PKP4: variants seen among roughly 807,000 people sequenced by gnomAD.
PKP4 encodes the protein plakophilin 4.
Under a neutral mutation model 145.1 loss-of-function variants are expected in PKP4, and 90 were observed. The ratio of observed to expected loss-of-function variants is 0.62; its 90% CI spans 0.52 to 0.74. The LOEUF (loss-of-function observed/expected upper bound fraction) is 0.74. Among genes scored for constraint, PKP4 ranks in the 30% least tolerant of loss-of-function variants. PKP4 has a pLI of 0.00. For missense variants in PKP4, 1,340 were observed against 1,482.7 expected, an observed-to-expected ratio of 0.90 and a Z score of 1.58; for synonymous variants, 563 against 577.2, an observed-to-expected ratio of 0.98 and a Z score of 0.35.
intron 1 of PKP4, among the ~76,000 whole-genome samples, chr2:158,525,681 C>T (rs374724564): frequency 7.6e-6 from 1 of 131,492 alleles, no homozygotes; most frequent in Non-Finnish European, 1.6e-5. Context: ...TTCAAAAAAT[C>T]AATGAATCCA....
rs544464887 is a variant in PKP4, at chr2:158,495,739, C to T, written c.-5-37441C>T. ...ATCCCAACTACTCAGGAGGCTGAGG[C>T]AGGGTAATTGTGTGAACCCAGGAGG... is the stretch of plus-strand genomic sequence containing the variant. On this transcript the variant is annotated intron_variant, in intron 1 of 21. Coordinates refer to ENST00000389759, the MANE Select transcript of PKP4 (RefSeq NM_003628.6). Among the ~76,000 whole-genome samples the T allele has an allele frequency of 5.3e-4, 80 of 151,534 alleles. 1 individual carries two copies. The highest frequency in any genetic ancestry group is 1.9e-3 in the African/African-American group (77 of 41,304).
intron 20 of PKP4, chr2:158,677,221 C>T: frequency 2.9e-6 from 1 of 344,564 alleles, no homozygotes; most frequent in South Asian, 2.4e-5. Context: ...TCAGAACCGT[C>T]AGCCCAGTGT....
chr2:158,627,122 T>C (rs2052875303), intron 7 of PKP4, among the ~76,000 whole-genome samples: 1 of 152,242 alleles, frequency 6.6e-6, no homozygotes, highest in Non-Finnish European at 1.5e-5. Flanking sequence ...TCTTTTTCAT[T>C]CATCTATCCA....
At position 158,666,326 on chromosome 2, in the gene PKP4, C is replaced by CT. The variant is rs76211777; in HGVS notation, c.2578-83dup. The CT allele has an allele frequency of 0.016, 19,193 of 1,178,840 alleles. 869 individuals are homozygous for CT. In the East Asian group the frequency reaches 0.19, roughly 12 times the overall value. 73.0% of individuals were successfully genotyped at this position (1,178,840 alleles called of 1,614,324 possible). A position where few individuals can be genotyped will look rare whatever the true frequency, so the allele number is the denominator to read the frequency against. Reference sequence around the variant, plus strand: ...GAAACCATTTAATCTATTAGTTCATCTTTTGGAAACATCTTTTTTAGGTGA... The same window carrying CT: ...GAAACCATTTAATCTATTAGTTCATCTTTTTGGAAACATCTTTTTTAGGTGA... On this transcript the variant is annotated intron_variant, in intron 15 of 21. Coordinates refer to ENST00000389759, the MANE Select transcript of PKP4 (RefSeq NM_003628.6).
intron 11 of PKP4, among the ~76,000 whole-genome samples, chr2:158,647,662 T>A (rs1053301474): frequency 2.6e-5 from 4 of 152,248 alleles, no homozygotes; most frequent in Middle Eastern, 3.2e-3. Context: ...AACATGATTC[T>A]TGTGTTTTCC....
chr2:158,576,773 A>G (rs1010262168), intron 2 of PKP4, among the ~76,000 whole-genome samples: 1 of 152,012 alleles, frequency 6.6e-6, no homozygotes, highest in Admixed American at 6.6e-5. Context: ...ATACGGCAAG[A>G]CTTTTTCTGT....
chr2:158,495,695 G>A (rs1055282140), intron 1 of PKP4, among the ~76,000 whole-genome samples: 4 of 151,596 alleles, frequency 2.6e-5, no homozygotes, highest in Admixed American at 6.6e-5. Context: ...TTAGCTGGGC[G>A]TGGTAGTGGG....
chr2:158,555,115 C>T (rs2045978517), intron 2 of PKP4, among the ~76,000 whole-genome samples: 1 of 152,088 alleles, frequency 6.6e-6, no homozygotes, highest in African/African-American at 2.4e-5. Context: ...AGGAAGCTTC[C>T]CAGGCTCCTA....
At chr2:158,547,399 C>G (rs1164113498) in intron 2 of PKP4, among the ~76,000 whole-genome samples, 2 of 152,106 alleles carry the variant, frequency 1.3e-5, no homozygotes, top group Non-Finnish European at 2.9e-5. Flanking sequence ...AGGAAGTAAG[C>G]CAAACATAAA....
intron 15 of PKP4, chr2:158,665,790 A>G (rs2057028827): frequency 6.6e-6 from 1 of 152,228 alleles, no homozygotes; most frequent in African/African-American, 2.4e-5. Context: ...TTTAAAAAAC[A>G]GCATCAGCAG....
intron 1 of PKP4, among the ~76,000 whole-genome samples, chr2:158,475,680 G>A (rs997463591): frequency 1.5e-4 from 23 of 152,186 alleles, no homozygotes; most frequent in African/African-American, 5.5e-4. Context: ...CCTTAGTTGG[G>A]ATATCTTTGA....
chr2:158,674,221 G>A (rs2106017031), intron 19 of PKP4, among the ~76,000 whole-genome samples: 1 of 152,276 alleles, frequency 6.6e-6, no homozygotes, highest in African/African-American at 2.4e-5. Flanking sequence ...AGCGCCCCAG[G>A]CCCTGCCCTC....
chr2:158,512,031 G>C (rs1465701826), intron 1 of PKP4, among the ~76,000 whole-genome samples: 1 of 152,158 alleles, frequency 6.6e-6, no homozygotes, highest in African/African-American at 2.4e-5. Context: ...GTTGCTTAGA[G>C]CATATTTGAA....
At chr2:158,513,800 C>T (rs927016039) in intron 1 of PKP4, among the ~76,000 whole-genome samples, 1 of 152,098 alleles carries the variant, frequency 6.6e-6, no homozygotes, top group Non-Finnish European at 1.5e-5. Context: ...ATTGTTCCTT[C>T]GTCTTCTCAT....
chr2:158,580,449 C>T (rs1032699884), intron 3 of PKP4, among the ~76,000 whole-genome samples: 5 of 152,070 alleles, frequency 3.3e-5, no homozygotes, highest in African/African-American at 7.2e-5. Context: ...ACAGTTGTCC[C>T]GAGCAGTAAG....
At chr2:158,583,746 G>A (rs777243453) in intron 3 of PKP4, among the ~76,000 whole-genome samples, 7 of 152,136 alleles carry the variant, frequency 4.6e-5, no homozygotes, top group Non-Finnish European at 1.0e-4. Flanking sequence ...TAATTTTGAG[G>A]TAATTCCCCA....
rs552324211 is a variant in PKP4, at chr2:158,493,509, C to T, written c.-6+36291C>T. On this transcript the variant is annotated intron_variant, in intron 1 of 21. Coordinates refer to ENST00000389759, the MANE Select transcript of PKP4 (RefSeq NM_003628.6). Reference sequence around the variant, plus strand: ...AGCTCATCAGTGAATCCCATTTAACCCTCACATTTGGGACCAGCCACCTGT... The same window carrying T: ...AGCTCATCAGTGAATCCCATTTAACTCTCACATTTGGGACCAGCCACCTGT... Among the ~76,000 whole-genome samples the T allele has an allele frequency of 5.3e-4, 80 of 152,260 alleles. 1 individual carries two copies. The highest frequency in any genetic ancestry group is 4.6e-3 in the Admixed American group (71 of 15,298).
intron 1 of PKP4, among the ~76,000 whole-genome samples, chr2:158,488,196 G>A (rs1228437549): frequency 6.6e-6 from 1 of 152,126 alleles, no homozygotes; most frequent in African/African-American, 2.4e-5. Context: ...AAAAAAAATT[G>A]GAGGCAAGGG....
chr2:158,617,549 A>G (rs988566363), intron 4 of PKP4, among the ~76,000 whole-genome samples: 2 of 152,236 alleles, frequency 1.3e-5, no homozygotes, highest in African/African-American at 4.8e-5. Flanking sequence ...AGTATCTTTC[A>G]TTCCACATAG....
Sources: allele counts gnomAD v4.1 joint callset (sites outside exome capture counted in the v4.1 genomes callset), GRCh38; gene constraint gnomAD v4.1.1; transcripts MANE v1.5; gene names NCBI Gene and HGNC (gene_info 2026-07-23, HGNC 2026-07-21).